GAD1: variants seen among roughly 807,000 people sequenced by gnomAD.
The protein encoded by GAD1 is 67 kDa glutamic acid decarboxylase.
GAD1 carries 35 observed loss-of-function variants against 75.2 expected under a neutral mutation model. The observed-to-expected ratio is 0.47, with a 90% CI of 0.36 to 0.62. The LOEUF (loss-of-function observed/expected upper bound fraction) is 0.62. GAD1 is among the 20% of genes least tolerant of loss of function. The pLI, the probability that GAD1 is intolerant of heterozygous loss-of-function variation, is 0.00. For missense variants in GAD1, 490 were observed against 758.5 expected (o/e 0.65, Z 4.16); for synonymous variants, 257 against 271.9 (o/e 0.95, Z 0.54).
At chr2:170,852,418 A>G (rs1702762222) in intron 12 of GAD1, 1 of 428,854 alleles carries the variant, frequency 2.3e-6, no homozygotes, top group Non-Finnish European at 4.3e-6. Context: ...CAAAGCCTGA[A>G]TTCTTAACCA....
intron 6 of GAD1, chr2:170,842,517 C>T: frequency 6.5e-7 from 1 of 1,545,826 alleles, no homozygotes; most frequent in Non-Finnish European, 8.9e-7. Context: ...TCTTGGTACA[C>T]TTGGCAGCAC....
intron 5 of GAD1, among the ~76,000 whole-genome samples, chr2:170,833,954 T>C (rs6433252): frequency 0.31 from 46,838 of 151,332 alleles, 7,400 homozygotes; most frequent in East Asian, 0.52. Flanking sequence ...GAGCTGAGAT[T>C]GTGCCACTGC....
At chr2:170,831,272 T>G in intron 5 of GAD1, 80 bp downstream of exon 5, 4 of 1,501,858 alleles carry the variant, frequency 2.7e-6, no homozygotes, top group Non-Finnish European at 3.7e-6. Context: ...GATATCAAAC[T>G]TGTGTTGGAA....
In GAD1 at chr2:170,847,657, T is replaced by G. The variant is rs778204729; in HGVS notation, c.1003-19T>G. On this transcript the variant is annotated intron_variant, in intron 10 of 16. Transcript: ENST00000358196. ...AAGGTTAAAAATACTCATCAGCCTA[T>G]ATCTGTCTTACCTTGTAGGGATATG... 3 of 1,484,520 alleles carry G rather than the reference T, an allele frequency of 2.0e-6. No individual in the cohort carries two copies. Among genetic ancestry groups the G allele is most frequent in the Non-Finnish European group, 2.8e-6 (3 of 1,061,926 alleles). The allele number at this position is 1,484,520 out of a possible 1,614,324, so 92.0% of individuals were successfully genotyped here.
intron 6 of GAD1, among the ~76,000 whole-genome samples, chr2:170,837,755 C>T (rs1196238296): frequency 6.6e-6 from 1 of 152,228 alleles, no homozygotes; most frequent in Non-Finnish European, 1.5e-5. Flanking sequence ...ATAAGAATTA[C>T]ATGGGTGTCC....
At chr2:170,852,460 A>G (rs1702764073) in intron 12 of GAD1, 1 of 517,470 alleles carries the variant, frequency 1.9e-6, no homozygotes, top group Admixed American at 3.2e-5. Flanking sequence ...GAAAGCTCTC[A>G]AGACAATAAG....
rs1449046979 is a variant in GAD1 at position 170,854,648 on chromosome 2, G to A, written c.1413+626G>A. ...TCTCAGTCTCCTGACCTCATGATCC[G>A]CCCACCTCGGCCTCCCAAAGTGTTG... On this transcript the variant is annotated intron_variant, in intron 14 of 16. Coordinates refer to ENST00000358196, the MANE Select transcript of GAD1 (RefSeq NM_000817.3). Among the ~76,000 whole-genome samples, 10 of 152,100 alleles carry A rather than the reference G, an allele frequency of 6.6e-5. No individual in the cohort carries two copies. The South Asian group carries it at 8.3e-4, about 13-fold the overall frequency.
In GAD1 at chr2:170,859,746, G is replaced by A; in HGVS notation, c.1649G>A (p.Gly550Asp). 1 of 1,614,170 alleles carries A rather than the reference G, an allele frequency of 6.2e-7. No individual in the cohort carries two copies. The highest frequency in any genetic ancestry group is 8.5e-7 in the Non-Finnish European group (1 of 1,180,038). The change falls in exon 17 of 17, where the codon GGT becomes GAT. Residue 550 changes from glycine to aspartate, a missense_variant. By Grantham distance (94) the Gly-to-Asp change is moderately conservative. Around this residue, in one of 3 missense-constraint regions of GAD1, gnomAD observed 324 missense variants for 523.9 expected, o/e 0.62. Coordinates refer to ENST00000358196, the MANE Select transcript of GAD1 (RefSeq NM_000817.3). Reference protein sequence around the residue: ...PKIKALMMESGTTMVGYQPQG... With the variant: ...PKIKALMMESDTTMVGYQPQG... ...ATCAAAGCCCTGATGATGGAGTCAG[G>A]TACGACCATGGTTGGCTACCAGCCC... is the stretch of plus-strand genomic sequence containing the variant.
intron 7 of GAD1, among the ~76,000 whole-genome samples, chr2:170,844,600 A>G (rs979766871): frequency 2.0e-5 from 3 of 152,136 alleles, no homozygotes; most frequent in East Asian, 3.9e-4. Context: ...TGTAGAAACA[A>G]GGTCTCACTA....
At chr2:170,833,751 C>T (rs1286334144) in intron 5 of GAD1, among the ~76,000 whole-genome samples, 1 of 152,208 alleles carries the variant, frequency 6.6e-6, no homozygotes, top group Non-Finnish European at 1.5e-5. Context: ...GGCTCACACT[C>T]GTGATCCCAT....
chr2:170,815,649 T>C (rs1004475058), upstream of GAD1, among the ~76,000 whole-genome samples: 15 of 152,058 alleles, frequency 9.9e-5, no homozygotes, highest in Middle Eastern at 3.4e-3. Context: ...AGGACCACGG[T>C]AAATACCAGT....
chr2:170,838,797 G>T (rs1702432062), intron 6 of GAD1, among the ~76,000 whole-genome samples: 1 of 152,180 alleles, frequency 6.6e-6, no homozygotes, highest in African/African-American at 2.4e-5. Context: ...ACTAAAATGT[G>T]TCCCAGCCAT....
chr2:170,830,957 T>G lies in GAD1; in HGVS notation c.312T>G (p.Leu104=). 1 of 1,614,198 alleles carries G rather than the reference T, an allele frequency of 6.2e-7. No individual in the cohort carries two copies. The highest frequency in any genetic ancestry group is 8.5e-7 in the Non-Finnish European group (1 of 1,180,040). ...TTGCTCTCCCCAATTCAGATCTGCT[T>G]CCGGCTAAGAACGGTGAGGAGCAAA... ...DFSNLFARDL[L]PAKNGEEQTV... The change falls in exon 5 of 17, where the codon CTT becomes CTG. Residue 104 remains leucine (L), a synonymous_variant. Transcript: ENST00000358196.
At chr2:170,844,407 C>CTTTTT (rs11327360) in intron 7 of GAD1, among the ~76,000 whole-genome samples, 5 of 124,480 alleles carry the variant, frequency 4.0e-5, no homozygotes, top group South Asian at 2.7e-4. Context: ...TTTCTTTTTT[C>CTTTTT]TTTTTTTTTT....
intron 5 of GAD1, among the ~76,000 whole-genome samples, chr2:170,831,682 TAATA>T (rs879415557): frequency 0.023 from 3,337 of 142,340 alleles, 127 homozygotes; most frequent in Admixed American, 0.1. Context: ...ATATTTAATA[TAATA>T]AATAAATAAT....
At chr2:170,828,383 C>T (rs111208309) in intron 3 of GAD1, among the ~76,000 whole-genome samples, 5,677 of 137,688 alleles carry the variant, frequency 0.041, 295 homozygotes, top group East Asian at 0.17. Flanking sequence ...GCTGTCCTCA[C>T]CCTCCTCCCT....
upstream of GAD1, chr2:170,816,532 G>C (rs1026349329): frequency 1.3e-5 from 2 of 152,222 alleles, no homozygotes; most frequent in Admixed American, 6.5e-5. Context: ...GGGAAAGGAG[G>C]GGAGGGAAGA....
chr2:170,839,208 G>T (rs934099923), intron 6 of GAD1, among the ~76,000 whole-genome samples: 2 of 152,198 alleles, frequency 1.3e-5, no homozygotes, highest in Admixed American at 6.5e-5. Flanking sequence ...ATTGAATTTA[G>T]GTGGCACCTG....
At position 170,831,862 on chromosome 2, in the gene GAD1, T is replaced by C. The variant is rs186799561; in HGVS notation, c.547+670T>C. On this transcript the variant is annotated intron_variant, in intron 5 of 16. Transcript: ENST00000358196. ...AGCTGGGCATGGTGGCGTGCACCTG[T>C]AGTCCCAGCTACTCAGGAGGCTGAG... Among the ~76,000 whole-genome samples the C allele has an allele frequency of 9.1e-4, 137 of 150,136 alleles. No homozygotes were observed. In the East Asian group the frequency reaches 0.025, roughly 27 times the overall value.
Sources: gnomAD v4.1 joint callset for allele counts (sites outside exome capture counted in the v4.1 genomes callset) on GRCh38, gnomAD v4.1.1 for gene constraint, gnomAD v4.1.1 regional missense constraint, MANE v1.5 for transcripts, NCBI Gene and HGNC (gene_info 2026-07-23, HGNC 2026-07-21) for gene names.